RRBP1: variants seen among roughly 807,000 people sequenced by gnomAD.
RRBP1 encodes ribosome-binding protein 1.
Under a neutral mutation model 165.2 loss-of-function variants are expected in RRBP1, and 94 were observed. The observed-to-expected ratio is 0.57, with a 90% CI of 0.48 to 0.68. The LOEUF is 0.68. RRBP1 is among the 30% of genes least tolerant of loss of function. The pLI is 0.00. For missense variants in RRBP1, 1,676 were observed against 1,763.0 expected, an observed-to-expected ratio of 0.95 and a Z score of 0.88; for synonymous variants, 680 against 714.5, an observed-to-expected ratio of 0.95 and a Z score of 0.77.
intron 23 of RRBP1, 44 bp from the exon 24 acceptor site, chr20:17,614,924 G>A: frequency 1.9e-6 from 3 of 1,604,682 alleles, no homozygotes; most frequent in East Asian, 2.2e-5. Context: ...TGCACCGGCA[G>A]GAGGGCCACC....
intron 24 of RRBP1, among the ~76,000 whole-genome samples, 173 bp from the exon 25 acceptor site, chr20:17,614,393 G>A (rs555153572): frequency 2.0e-5 from 3 of 152,268 alleles, no homozygotes; most frequent in African/African-American, 7.2e-5. Flanking sequence ...GGAGGACTTG[G>A]TGGGAGCTGA....
Position 17,641,837 on chromosome 20 carries a change from T to A in RRBP1, c.2144A>T (p.Asp715Val). 6.2e-7 allele frequency: 1 copy of A among 1,613,918 alleles called. No individual in the cohort carries two copies. Among genetic ancestry groups the A allele is most frequent in the Admixed American group, 1.7e-5 (1 of 60,036 alleles). The part of the protein sequence containing the change: ...KEKLLATEQE[D>V]AAVAKSKLRE... Reference sequence around the variant, plus strand: ...CAGTTTGCTCTTGGCGACAGCCGCATCTTCCTGTTCTGTGGCCAGCAGTTT... The same window carrying A: ...CAGTTTGCTCTTGGCGACAGCCGCAACTTCCTGTTCTGTGGCCAGCAGTTT... The change falls in exon 5 of 25, where the codon GAT (aspartate) becomes GTT (valine). Residue 715 changes from aspartate to valine, a missense_variant. By Grantham distance (152) the Asp-to-Val change is radical (BLOSUM62 -3). Around this residue, in one of 5 missense-constraint regions of RRBP1, gnomAD observed 1,184 missense variants for 1,167.1 expected, o/e 1.01. Coordinates refer to ENST00000377813, the MANE Select transcript of RRBP1 (RefSeq NM_001365613.2).
intron 5 of RRBP1, among the ~76,000 whole-genome samples, chr20:17,637,565 G>A (rs1015980266): frequency 2.0e-5 from 3 of 152,170 alleles, no homozygotes; most frequent in Non-Finnish European, 4.4e-5. Flanking sequence ...TCCCACCAGC[G>A]TCAAGGCTGC....
rs2036050845 is a variant in RRBP1, at chr20:17,627,514, T to C, written c.2918A>G (p.Gln973Arg). The change falls in exon 10 of 25, where the codon CAG becomes CGG. Residue 973 changes from glutamine to arginine, a missense_variant. Coordinates refer to ENST00000377813, the MANE Select transcript of RRBP1 (RefSeq NM_001365613.2). ...LLEAGQARDA[Q>R]DVQASQAEAD... ...AGGCAGAAGGCTGACCTGGACGTCC[T>C]GGGCATCCCGCGCCTGGCCCGCCTC... 2 of 1,610,208 alleles carry C rather than the reference T, an allele frequency of 1.2e-6. No homozygotes were observed. The highest frequency in any genetic ancestry group is 8.5e-7 in the Non-Finnish European group (1 of 1,178,154).
At chr20:17,662,274 T>G (rs2036780248) in intron 2 of RRBP1, among the ~76,000 whole-genome samples, 1 of 151,314 alleles carries the variant, frequency 6.6e-6, no homozygotes, top group Non-Finnish European at 1.5e-5. Context: ...AAAAAAAAAT[T>G]TTCAAAAAAA....
intron 2 of RRBP1, among the ~76,000 whole-genome samples, chr20:17,676,666 A>G (rs906531231): frequency 2.6e-5 from 4 of 152,202 alleles, no homozygotes; most frequent in Non-Finnish European, 5.9e-5. Flanking sequence ...GGACAAACAC[A>G]GTCCACGGCT....
At position 17,619,729 on chromosome 20, in the gene RRBP1, C is replaced by A; in HGVS notation, c.3580-1G>T. ...CCAAATGCGACGTGTGCTCCCTCAC[C>A]TGGACAGATGCACAGACACGCACAC... is the stretch of plus-strand genomic sequence containing the variant. On this transcript the variant is annotated splice_acceptor_variant, in intron 18 of 24. Coordinates refer to ENST00000377813, the MANE Select transcript of RRBP1 (RefSeq NM_001365613.2). LOFTEE classifies it high-confidence loss of function. 1 of 1,608,392 alleles carries A rather than the reference C, an allele frequency of 6.2e-7. No individual in the cohort carries two copies. The highest frequency in any genetic ancestry group is 1.1e-5 in the South Asian group (1 of 90,550).
In RRBP1 at chr20:17,643,152, G is replaced by A. The variant is rs754913927; in HGVS notation, c.1913-25C>T. 2.5e-6 allele frequency: 4 copies of A among 1,610,970 alleles called. No individual in the cohort carries two copies. The highest frequency in any genetic ancestry group is 2.5e-6 in the Non-Finnish European group (3 of 1,179,210). On this transcript the variant is annotated intron_variant, in intron 3 of 24. Coordinates refer to ENST00000377813, the MANE Select transcript of RRBP1 (RefSeq NM_001365613.2). The surrounding 1 kb of genome is among the most constrained non-coding windows in gnomAD (Gnocchi z 4.3). ...CCTGTGCAGCAAGAGGGAAAGAGCT[G>A]AGACTTAGGCCCATAAGCCACAACA...
intron 5 of RRBP1, among the ~76,000 whole-genome samples, chr20:17,637,864 G>A (rs1034670988): frequency 1.3e-5 from 2 of 152,054 alleles, no homozygotes; most frequent in African/African-American, 2.4e-5. Context: ...AGTGGGGGGC[G>A]GGATGAGCTG....
Position 17,625,492 on chromosome 20 carries a change from C to A in RRBP1, c.3054+20G>T, listed in dbSNP as rs1489470782. ...TGCTTCCCTGGCCCGTCCGTCCCCG[C>A]CTGTGCCTGCCGCACTCACATTGTT... On this transcript the variant is annotated intron_variant, in intron 12 of 24. Coordinates refer to ENST00000377813, the MANE Select transcript of RRBP1 (RefSeq NM_001365613.2). 1 of 1,610,664 alleles carries A rather than the reference C, an allele frequency of 6.2e-7. No homozygotes were observed. Among genetic ancestry groups the A allele is most frequent in the South Asian group, 1.1e-5 (1 of 91,008 alleles).
At chr20:17,653,187 C>T (rs1348556701) in intron 3 of RRBP1, among the ~76,000 whole-genome samples, 1 of 152,196 alleles carries the variant, frequency 6.6e-6, no homozygotes, top group Admixed American at 6.5e-5. Context: ...CCGTGCCCAG[C>T]GCGCCCTCGG....
intron 19 of RRBP1, 143 bp from the exon 20 acceptor site, chr20:17,618,822 C>G: frequency 3.1e-6 from 2 of 649,962 alleles, no homozygotes; most frequent in East Asian, 2.7e-5. Flanking sequence ...CGGGCCGGCA[C>G]AGGGCTCGCC....
chr20:17,675,673 C>A (rs1000268074), intron 2 of RRBP1, among the ~76,000 whole-genome samples: 2 of 152,184 alleles, frequency 1.3e-5, no homozygotes, highest in Non-Finnish European at 2.9e-5. Context: ...CCAAAGTAGA[C>A]GCAAAGGCCC....
chr20:17,622,473 G>T (rs771350775), intron 13 of RRBP1, among the ~76,000 whole-genome samples: 6 of 151,556 alleles, frequency 4.0e-5, no homozygotes, highest in Admixed American at 1.3e-4. Context: ...CAGCCAGGAA[G>T]GGGCAACCCA....
intron 2 of RRBP1, among the ~76,000 whole-genome samples, chr20:17,662,485 C>A (rs759993382): frequency 1.3e-5 from 2 of 152,186 alleles, no homozygotes; most frequent in Non-Finnish European, 2.9e-5. Flanking sequence ...ACTTTTCATT[C>A]CAGTCTTAAC....
chr20:17,638,939 C>A (rs1348107476), intron 5 of RRBP1, among the ~76,000 whole-genome samples: 1 of 152,146 alleles, frequency 6.6e-6, no homozygotes, highest in Non-Finnish European at 1.5e-5. Context: ...GGAACTCCTC[C>A]CGTGACCCCA....
chr20:17,624,031 C>A (rs927621716), intron 13 of RRBP1, among the ~76,000 whole-genome samples: 1 of 152,164 alleles, frequency 6.6e-6, no homozygotes, highest in African/African-American at 2.4e-5. Flanking sequence ...AGAAATAACA[C>A]CAAAAAAGCT....
intron 11 of RRBP1, 113 bp downstream of exon 11, chr20:17,627,235 G>A (rs2036043127): frequency 9.7e-7 from 1 of 1,029,038 alleles, no homozygotes. Context: ...GCCTCTGAAA[G>A]GGGCTCTTCT....
At chr20:17,615,877 C>A in intron 22 of RRBP1, 49 bp downstream of exon 22, 1 of 1,507,612 alleles carries the variant, frequency 6.6e-7, no homozygotes, top group Non-Finnish European at 9.1e-7. Context: ...CCTGGAGACT[C>A]AGGGCCCAGG....
Sources: gnomAD v4.1 joint callset for allele counts (sites outside exome capture counted in the v4.1 genomes callset) on GRCh38, gnomAD v4.1.1 for gene constraint, gnomAD v4.1.1 regional missense constraint, Gnocchi (gnomAD v3.1) non-coding constraint, MANE v1.5 for transcripts, NCBI Gene and HGNC (gene_info 2026-07-23, HGNC 2026-07-21) for gene names.